The following NAALAD2 variants were observed in gnomAD, a reference collection of about 807,000 sequenced individuals.
NAALAD2 encodes N-acetylated alpha-linked acidic dipeptidase 2.
Under a neutral mutation model 95.6 loss-of-function variants are expected in NAALAD2, and 89 were observed. That is an observed-to-expected ratio of 0.93 (90% CI 0.78 to 1.11). The LOEUF is 1.11. Among genes scored for constraint, NAALAD2 ranks in the 50% least tolerant of loss-of-function variants. The pLI is 0.00. For missense variants in NAALAD2, 894 were observed against 872.4 expected (o/e 1.02, Z -0.31); for synonymous variants, 264 against 294.4 (o/e 0.90, Z 1.06).
In NAALAD2 at chr11:90,161,475, A is replaced by G. The variant is rs913088285; in HGVS notation, c.990-1474A>G. ...ATTGAGCATTTCCTATGCCCCGGGA[A>G]CCATTCTGGGTTCTGGGGATTCAGC... On this transcript the variant is annotated intron_variant, in intron 8 of 18. Coordinates refer to ENST00000534061, the MANE Select transcript of NAALAD2 (RefSeq NM_005467.4). Among the ~76,000 whole-genome samples, 57 of 152,092 alleles carry G rather than the reference A, an allele frequency of 3.7e-4. 1 individual carries two copies. Among genetic ancestry groups the G allele is most frequent in the Admixed American group, 3.7e-3 (57 of 15,264 alleles).
chr11:90,145,234 T>G (rs1163310499), intron 2 of NAALAD2, among the ~76,000 whole-genome samples: 1 of 152,178 alleles, frequency 6.6e-6, no homozygotes, highest in East Asian at 1.9e-4. Context: ...GGTGAATATG[T>G]ATGCCTGGCG....
chr11:90,168,261 AG>A (rs1952535352), intron 11 of NAALAD2, among the ~76,000 whole-genome samples: 2 of 152,176 alleles, frequency 1.3e-5, no homozygotes, highest in South Asian at 4.1e-4. Flanking sequence ...GAACATCAGT[AG>A]GAATAAACTC....
At chr11:90,147,537 T>C (rs200314348) in intron 3 of NAALAD2, 21 bp downstream of exon 3, 2 of 1,580,880 alleles carry the variant, frequency 1.3e-6, no homozygotes, top group Admixed American at 3.7e-5. Flanking sequence ...TTGTTGGTAC[T>C]TTTTATATTT....
At chr11:90,158,320 T>G in intron 7 of NAALAD2, 82 bp downstream of exon 7, 1 of 983,760 alleles carries the variant, frequency 1.0e-6, no homozygotes, top group East Asian at 2.4e-5. Context: ...TATGGCATTC[T>G]TATGTTAAAC....
rs1952970905 is a variant in NAALAD2, at chr11:90,181,623, C to G, written c.1862C>G (p.Ser621Cys). The change falls in exon 17 of 19, where the codon TCC (serine) becomes TGC (cysteine). Residue 621 changes from serine (S) to cysteine (C), a missense_variant. By Grantham distance (112) the Ser-to-Cys change is moderately radical. Transcript: ENST00000534061. ...TTCTTTTCTATTTTTAAAAAAGACTCCTTATTTTCTGCTGTGAAAAACTTC... is the reference window on the plus strand; with the variant it reads ...TTCTTTTCTATTTTTAAAAAAGACTGCTTATTTTCTGCTGTGAAAAACTTC... ...QLTDHGVSFD[S>C]LFSAVKNFSE... 1 of 1,591,862 alleles carries G rather than the reference C, an allele frequency of 6.3e-7. No individual in the cohort carries two copies.
Position 90,147,487 on chromosome 11 carries a change from A to G in NAALAD2, c.352A>G (p.Ile118Val). 2 of 1,610,946 alleles carry G rather than the reference A, an allele frequency of 1.2e-6. No individual in the cohort carries two copies. The highest frequency in any genetic ancestry group is 1.1e-5 in the South Asian group (1 of 90,454). The change falls in exon 3 of 19, where the codon ATA becomes GTA. Residue 118 changes from isoleucine (I) to valine (V), a missense_variant. Ile to Val is a conservative substitution (Grantham distance 29). Coordinates refer to ENST00000534061, the MANE Select transcript of NAALAD2 (RefSeq NM_005467.4). ...SYPNETNANYISIVDEHETEI... is the reference protein window; with the variant it reads ...SYPNETNANYVSIVDEHETEI... Reference sequence around the variant, plus strand: ...CCCCAATGAGACAAATGCCAACTATATATCGATTGTGGATGAACATGAAAC... The same window carrying G: ...CCCCAATGAGACAAATGCCAACTATGTATCGATTGTGGATGAACATGAAAC...
chr11:90,165,212 G>A (rs972466974), intron 11 of NAALAD2, among the ~76,000 whole-genome samples: 2 of 152,284 alleles, frequency 1.3e-5, no homozygotes. Context: ...TCTTCATCAA[G>A]TCTGTCATTG....
upstream of NAALAD2, among the ~76,000 whole-genome samples, chr11:90,133,511 C>T (rs746540216): frequency 2.7e-5 from 4 of 149,898 alleles, no homozygotes; most frequent in African/African-American, 9.9e-5. Flanking sequence ...AAAAAAAAGG[C>T]TTACAAATTT....
intron 6 of NAALAD2, among the ~76,000 whole-genome samples, chr11:90,155,113 ATG>A (rs1310141730): frequency 3.1e-5 from 4 of 130,736 alleles, no homozygotes; most frequent in Non-Finnish European, 4.6e-5. Flanking sequence ...ATATGTATAT[ATG>A]TGTGTATATA....
At chr11:90,166,495 T>G (rs996486643) in intron 11 of NAALAD2, among the ~76,000 whole-genome samples, 2 of 152,242 alleles carry the variant, frequency 1.3e-5, no homozygotes, top group Non-Finnish European at 2.9e-5. Flanking sequence ...TAAATGGATG[T>G]CAAACTTCAA....
chr11:90,182,524 G>C (rs1427617441), intron 17 of NAALAD2, among the ~76,000 whole-genome samples: 1 of 152,046 alleles, frequency 6.6e-6, no homozygotes, highest in Non-Finnish European at 1.5e-5. Context: ...TTCACTCTTT[G>C]TTGTCCAGCC....
chr11:90,167,526 G>A (rs914698213), intron 11 of NAALAD2, among the ~76,000 whole-genome samples: 3 of 152,338 alleles, frequency 2.0e-5, no homozygotes, highest in South Asian at 2.1e-4. Flanking sequence ...GAGAAGTGCC[G>A]GCGCACATCG....
rs759594900 is a variant in NAALAD2, at chr11:90,135,654, A to G, written c.178A>G (p.Ile60Val). ...KLVSEMKAEN[I>V]KSFLRSFTKL... Reference sequence around the variant, plus strand: ...GGTATCCGAAATGAAAGCTGAAAACATCAAATCATTTCTTCGGTAAGTTTA... The same window carrying G: ...GGTATCCGAAATGAAAGCTGAAAACGTCAAATCATTTCTTCGGTAAGTTTA... Residue 60 changes from isoleucine (I) to valine (V), a missense_variant, in exon 2 of 19, where the codon ATC becomes GTC. Transcript: ENST00000534061. The G allele has an allele frequency of 2.5e-6, 4 of 1,612,110 alleles. No individual in the cohort carries two copies. Among genetic ancestry groups the G allele is most frequent in the South Asian group, 2.2e-5 (2 of 90,942 alleles).
In NAALAD2 at chr11:90,183,099, A is replaced by G. The variant is rs981996302; in HGVS notation, c.2033+91A>G. 4.8e-6 allele frequency: 4 copies of G among 833,708 alleles called. No individual in the cohort carries two copies. The Admixed American group carries it at 5.4e-5, about 11-fold the overall frequency. 51.6% of individuals were successfully genotyped at this position (833,708 alleles called of 1,614,324 possible). ...AAACTAATGCCATTAGATGGGTGAA[A>G]GGCAAATATGTACACTCTAGGGAAT... On this transcript the variant is annotated intron_variant, in intron 18 of 18. Transcript: ENST00000534061.
intron 6 of NAALAD2, among the ~76,000 whole-genome samples, chr11:90,154,264 T>C: frequency 6.6e-6 from 1 of 151,970 alleles, no homozygotes; most frequent in East Asian, 1.9e-4. Context: ...CTCTGTTAAA[T>C]ATTATGTTAG....
Position 90,159,391 on chromosome 11 carries a change from C to T in NAALAD2, c.989+54C>T, listed in dbSNP as rs76284286. 5.3e-3 allele frequency: 6,901 copies of T among 1,308,412 alleles called. 261 individuals are homozygous for T. The African/African-American group carries it at 0.084, about 16-fold the overall frequency. The allele number at this position is 1,308,412 out of a possible 1,614,324, so 81.1% of individuals were successfully genotyped here. Reference sequence around the variant, plus strand: ...AAAAGTTTTATATTTTTAATGGAAACATGTCAAGATAACTGTTCTGCCAGG... The same window carrying T: ...AAAAGTTTTATATTTTTAATGGAAATATGTCAAGATAACTGTTCTGCCAGG... On this transcript the variant is annotated intron_variant, in intron 8 of 18. Coordinates refer to ENST00000534061, the MANE Select transcript of NAALAD2 (RefSeq NM_005467.4).
In NAALAD2 at chr11:90,169,000, T is replaced by C. The variant is rs1276252909; in HGVS notation, c.1342+8T>C. The C allele has an allele frequency of 1.3e-6, 2 of 1,585,832 alleles. No homozygotes were observed. The highest frequency in any genetic ancestry group is 3.7e-5 in the Admixed American group (2 of 53,996). Reference sequence around the variant, plus strand: ...CGGATTCATCTATAGAAGGTAAATTTTATTTCAATTTGAAGTGAAATTTTC... The same window carrying C: ...CGGATTCATCTATAGAAGGTAAATTCTATTTCAATTTGAAGTGAAATTTTC... On this transcript the variant is annotated splice_region_variant and intron_variant, in intron 12 of 18. Coordinates refer to ENST00000534061, the MANE Select transcript of NAALAD2 (RefSeq NM_005467.4).
chr11:90,177,043 T>C (rs371707062), intron 15 of NAALAD2, among the ~76,000 whole-genome samples: 1 of 152,174 alleles, frequency 6.6e-6, no homozygotes, highest in African/African-American at 2.4e-5. Context: ...GGAGAAGGAC[T>C]GATAAGGAGA....
chr11:90,159,364 G>GA, intron 8 of NAALAD2, 27 bp downstream of exon 8: 1 of 1,519,464 alleles, frequency 6.6e-7, no homozygotes, highest in Admixed American at 1.7e-5. Flanking sequence ...TTAATAGTCT[G>GA]AAAAAGTTTT....
Sources: allele counts gnomAD v4.1 joint callset (sites outside exome capture counted in the v4.1 genomes callset), GRCh38; gene constraint gnomAD v4.1.1; transcripts MANE v1.5; gene names NCBI Gene and HGNC (gene_info 2026-07-23, HGNC 2026-07-21).